CSRNP3: variants seen among roughly 807,000 people sequenced by gnomAD.
CSRNP3 encodes cysteine/serine-rich nuclear protein 3.
In CSRNP3, 12 loss-of-function variants were observed where a neutral mutation model predicts 48.0. That is an observed-to-expected ratio of 0.25 (90% CI 0.16 to 0.41). The LOEUF (loss-of-function observed/expected upper bound fraction) is 0.41, where lower values mean the gene tolerates loss of function less well. Among genes scored for constraint, CSRNP3 ranks in the 10% least tolerant of loss-of-function variants. The pLI is 1.00. For missense variants in CSRNP3, 580 were observed against 724.4 expected (o/e 0.80, Z 2.29); for synonymous variants, 263 against 269.7 (o/e 0.98, Z 0.24).
chr2:165,512,978 G>A (rs759153026), intron 2 of CSRNP3, among the ~76,000 whole-genome samples: 2 of 152,080 alleles, frequency 1.3e-5, no homozygotes, highest in Non-Finnish European at 2.9e-5. Flanking sequence ...GGTGGCACGC[G>A]CCTGTAGTCC....
chr2:165,486,202 G>A (rs1011102182), intron 1 of CSRNP3, among the ~76,000 whole-genome samples: 5 of 152,158 alleles, frequency 3.3e-5, no homozygotes, highest in African/African-American at 9.7e-5. Flanking sequence ...CTGGAAAATC[G>A]GGTCACTCCC....
At chr2:165,641,371 G>A (rs1291953586) in intron 4 of CSRNP3, among the ~76,000 whole-genome samples, 1 of 152,170 alleles carries the variant, frequency 6.6e-6, no homozygotes, top group Non-Finnish European at 1.5e-5. Context: ...AGACAAAAGG[G>A]TAACTTCTTC....
chr2:165,600,995 A>G (rs1445304321), intron 4 of CSRNP3, among the ~76,000 whole-genome samples: 1 of 152,232 alleles, frequency 6.6e-6, no homozygotes, highest in Non-Finnish European at 1.5e-5. Context: ...AGCACACCAC[A>G]TTATGGTAAT....
Position 165,679,493 on chromosome 2 carries a change from G to A in CSRNP3, c.1498G>A (p.Val500Ile). 2 of 1,613,574 alleles carry A rather than the reference G, an allele frequency of 1.2e-6. No individual in the cohort carries two copies. The highest frequency in any genetic ancestry group is 1.7e-6 in the Non-Finnish European group (2 of 1,179,946). The stretch of plus-strand genomic sequence containing the variant: ...CCACTACCCAGCTGCCAACCCCTCT[G>A]TAATCGTTTGCTGCTCCTCTTCCGA... ...ASHYPAANPSVIVCCSSSEND... is the reference protein window; with the variant it reads ...ASHYPAANPSIIVCCSSSEND... The change falls in exon 7 of 7, where the codon GTA becomes ATA. Residue 500 changes from valine (V) to isoleucine (I), a missense_variant. This residue lies in a region of CSRNP3 where 369 missense variants were observed against 380.8 expected (regional missense o/e 0.97). Coordinates refer to ENST00000651982, the MANE Select transcript of CSRNP3 (RefSeq NM_001172173.2).
rs934488204 is a variant in CSRNP3, at chr2:165,679,599, T to A, written c.1604T>A (p.Leu535Ter). ...CCTCAAGTGGAATTTCACTCATACT[T>A]GAAAGGCCCCTCCCAAGAAGGGTTT... ...NHPQVEFHSY[L>*]KGPSQEGFVS... The change falls in exon 7 of 7, where the codon TTG becomes TAG. Residue 535 changes from leucine (L) to a stop codon, truncating the protein, a stop_gained. Transcript: ENST00000651982. LOFTEE classifies it high-confidence loss of function. 1.2e-6 allele frequency: 2 copies of A among 1,613,962 alleles called. No individual in the cohort carries two copies. The highest frequency in any genetic ancestry group is 1.7e-6 in the Non-Finnish European group (2 of 1,179,992).
chr2:165,641,851 C>G (rs571567002), intron 4 of CSRNP3, among the ~76,000 whole-genome samples: 1 of 152,156 alleles, frequency 6.6e-6, no homozygotes, highest in Non-Finnish European at 1.5e-5. Flanking sequence ...TTATAAAATG[C>G]AGTATAAGCA....
chr2:165,523,027 C>A (rs1268330036), intron 3 of CSRNP3, among the ~76,000 whole-genome samples: 1 of 152,154 alleles, frequency 6.6e-6, no homozygotes, highest in Non-Finnish European at 1.5e-5. Flanking sequence ...ACAATCTCTC[C>A]CTTTCACGAT....
intron 4 of CSRNP3, among the ~76,000 whole-genome samples, chr2:165,615,713 CT>C (rs1392478066): frequency 1.3e-5 from 2 of 151,618 alleles, no homozygotes; most frequent in African/African-American, 4.8e-5. Context: ...CATGGAATAT[CT>C]TTTTTTCATC....
Position 165,686,575 on chromosome 2 carries a change from A to T in CSRNP3, c.*6822A>T, listed in dbSNP as rs1687634510. On this transcript the variant is annotated 3_prime_UTR_variant, in exon 7 of 7. Coordinates refer to ENST00000651982, the MANE Select transcript of CSRNP3 (RefSeq NM_001172173.2). Reference sequence around the variant, plus strand: ...GAAAAACCTAAGTATCTAACCTAGGAACTTGTTGCCTGGTGGTGGTTGTTG... The same window carrying T: ...GAAAAACCTAAGTATCTAACCTAGGTACTTGTTGCCTGGTGGTGGTTGTTG... 6.6e-6 allele frequency: 1 copy of T among 152,148 alleles called. No homozygotes were observed. Among genetic ancestry groups the T allele is most frequent in the African/African-American group, 2.4e-5 (1 of 41,420 alleles). The allele number at this position is 152,148 out of a possible 1,614,324, so 9.4% of individuals were successfully genotyped here.
At chr2:165,511,193 C>A (rs1251584352) in intron 2 of CSRNP3, among the ~76,000 whole-genome samples, 1 of 152,102 alleles carries the variant, frequency 6.6e-6, no homozygotes, top group African/African-American at 2.4e-5. Flanking sequence ...TTCAGTAGAG[C>A]TGTGGAAATG....
intron 3 of CSRNP3, among the ~76,000 whole-genome samples, chr2:165,545,988 T>A (rs1211178091): frequency 6.6e-6 from 1 of 152,150 alleles, no homozygotes; most frequent in Non-Finnish European, 1.5e-5. Flanking sequence ...TTTGTTATTA[T>A]TTGTCTGCAG....
chr2:165,607,559 C>G (rs1451138179), intron 4 of CSRNP3, among the ~76,000 whole-genome samples: 1 of 152,190 alleles, frequency 6.6e-6, no homozygotes, highest in African/African-American at 2.4e-5. Context: ...TACACTATCA[C>G]TGTCACACTG....
At chr2:165,637,152 G>A (rs1329739184) in intron 4 of CSRNP3, among the ~76,000 whole-genome samples, 1 of 152,188 alleles carries the variant, frequency 6.6e-6, no homozygotes, top group Non-Finnish European at 1.5e-5. Context: ...CAAGGCTATA[G>A]CCAGAACTCA....
At chr2:165,563,003 A>G (rs1685253732) in intron 3 of CSRNP3, among the ~76,000 whole-genome samples, 1 of 152,246 alleles carries the variant, frequency 6.6e-6, no homozygotes, top group South Asian at 2.1e-4. Context: ...AAGTCAGAGG[A>G]TGATATGAAC....
intron 2 of CSRNP3, among the ~76,000 whole-genome samples, chr2:165,507,974 G>T (rs61594786): frequency 0.013 from 1,970 of 152,058 alleles, 46 homozygotes; most frequent in African/African-American, 0.045. Context: ...AAATCGCATG[G>T]TTTCCATGCA....
rs536020365 is a variant in CSRNP3, at chr2:165,511,269, A to T, written c.-112-6604A>T. On this transcript the variant is annotated intron_variant, in intron 2 of 6. Transcript: ENST00000651982. The stretch of plus-strand genomic sequence containing the variant: ...GGAATGGAGAATGCACTCTTTAAAA[A>T]GGTTTGTTAAAAAACAGACCAGAGA... 1.4e-4 allele frequency among the ~76,000 whole-genome samples: 21 copies of T among 152,340 alleles called. No homozygotes were observed. In the South Asian group the frequency reaches 4.1e-3, roughly 30 times the overall value.
chr2:165,490,195 A>C (rs1388025470), intron 1 of CSRNP3, among the ~76,000 whole-genome samples: 4 of 150,522 alleles, frequency 2.7e-5, no homozygotes, highest in Non-Finnish European at 5.9e-5. Context: ...ACTCCCATTC[A>C]CAATTGCTTC....
chr2:165,498,776 G>T (rs951025121), intron 2 of CSRNP3, among the ~76,000 whole-genome samples: 1 of 152,046 alleles, frequency 6.6e-6, no homozygotes, highest in African/African-American at 2.4e-5. Flanking sequence ...CGCTCACATC[G>T]TTTGAAGGAT....
intron 4 of CSRNP3, among the ~76,000 whole-genome samples, chr2:165,600,381 C>T (rs535444804): frequency 6.6e-6 from 1 of 151,944 alleles, no homozygotes; most frequent in Admixed American, 6.6e-5. Context: ...GTGAATAGTG[C>T]TGCAATAAAC....
Sources: gnomAD v4.1 joint callset for allele counts (sites outside exome capture counted in the v4.1 genomes callset) on GRCh38, gnomAD v4.1.1 for gene constraint, gnomAD v4.1.1 regional missense constraint, MANE v1.5 for transcripts, NCBI Gene and HGNC (gene_info 2026-07-23, HGNC 2026-07-21) for gene names.